SPATA7: variants seen among roughly 807,000 people sequenced by gnomAD.
The protein encoded by SPATA7 is spermatogenesis-associated protein 7.
Under a neutral mutation model 51.8 loss-of-function variants are expected in SPATA7, and 43 were observed. That is an observed-to-expected ratio of 0.83 (90% CI 0.65 to 1.07). The LOEUF (loss-of-function observed/expected upper bound fraction) is 1.07. Ranked by LOEUF, SPATA7 falls within the 50% of genes least tolerant of loss-of-function variation. SPATA7 has a pLI of 0.00. For synonymous variants in SPATA7, 230 were observed against 252.8 expected, an observed-to-expected ratio of 0.91 and a Z score of 0.86; for missense variants, 683 against 701.3, an observed-to-expected ratio of 0.97 and a Z score of 0.30.
chr14:88,410,302 G>A (rs1392288653), intron 4 of SPATA7, among the ~76,000 whole-genome samples: 4 of 152,162 alleles, frequency 2.6e-5, no homozygotes, highest in Non-Finnish European at 4.4e-5. Context: ...ATTTAGGATA[G>A]TTAGCTCTTC....
At chr14:88,449,500 T>C (rs186313226) in intron 3 of SPATA7, among the ~76,000 whole-genome samples, 14 of 152,316 alleles carry the variant, frequency 9.2e-5, no homozygotes, top group Admixed American at 7.2e-4. Flanking sequence ...CTATCATATA[T>C]GGTCTATCTT....
At chr14:88,386,661 G>A (rs940992550) in intron 1 of SPATA7, among the ~76,000 whole-genome samples, 1 of 152,112 alleles carries the variant, frequency 6.6e-6, no homozygotes, top group Non-Finnish European at 1.5e-5. Context: ...CAAATAATTT[G>A]CATTTTCACA....
intron 1 of SPATA7, 117 bp from the exon 2 acceptor site, chr14:88,391,264 T>G: frequency 4.3e-6 from 4 of 936,050 alleles, no homozygotes; most frequent in Non-Finnish European, 6.4e-6. Context: ...CAATCACCTT[T>G]TAGGAAAGAA....
At chr14:88,451,827 A>G (rs114385357) in intron 3 of SPATA7, among the ~76,000 whole-genome samples, 1 of 151,974 alleles carries the variant, frequency 6.6e-6, no homozygotes, top group South Asian at 2.1e-4. Flanking sequence ...ACCTGGCCCT[A>G]TATCATTTTT....
chr14:88,446,033 A>G (rs930274649), intron 3 of SPATA7, among the ~76,000 whole-genome samples: 5 of 152,088 alleles, frequency 3.3e-5, no homozygotes, highest in Non-Finnish European at 5.9e-5. Flanking sequence ...CTCTTTTTCT[A>G]TGGATTGGAA....
At chr14:88,446,433 A>C (rs1161616781) in intron 3 of SPATA7, among the ~76,000 whole-genome samples, 1 of 152,128 alleles carries the variant, frequency 6.6e-6, no homozygotes, top group Non-Finnish European at 1.5e-5. Flanking sequence ...TCAAAAAACC[A>C]GCTCCTGGAT....
In SPATA7 at chr14:88,398,827, C is replaced by T. The variant is rs370107429; in HGVS notation, c.238+2624C>T. 4.3e-3 allele frequency among the ~76,000 whole-genome samples: 645 copies of T among 151,538 alleles called. 7 individuals carry two copies. Among genetic ancestry groups the T allele is most frequent in the African/African-American group, 0.013 (553 of 41,394 alleles). ...CAGCACTTTGGGAGGCTGAGGCGGGCGGATCACGAGGTCAGGAGATCGAGA... is the reference window on the plus strand; with the variant it reads ...CAGCACTTTGGGAGGCTGAGGCGGGTGGATCACGAGGTCAGGAGATCGAGA... On this transcript the variant is annotated intron_variant, in intron 4 of 11. Transcript: ENST00000393545.
Position 88,452,721 on chromosome 14 carries a change from G to A in SPATA7, c.178-2339G>A, listed in dbSNP as rs186899546. Among the ~76,000 whole-genome samples the A allele has an allele frequency of 8.5e-4, 129 of 152,212 alleles. 1 individual carries two copies. Among genetic ancestry groups the A allele is most frequent in the African/African-American group, 3.1e-3 (127 of 41,526 alleles). ...CCATCTTCCCTCCAGTATACCCCCTGCTGCTAGTATTTTTAAACAAACCAT... is the reference window on the plus strand; with the variant it reads ...CCATCTTCCCTCCAGTATACCCCCTACTGCTAGTATTTTTAAACAAACCAT... On this transcript the variant is annotated intron_variant, in intron 3 of 3. Coordinates refer to the SPATA7 transcript ENST00000554802.
chr14:88,432,923 T>C (rs1213611280), intron 9 of SPATA7: 2 of 491,162 alleles, frequency 4.1e-6, no homozygotes, highest in Non-Finnish European at 7.2e-6. Flanking sequence ...GAAATTTTAC[T>C]CTATTAGGTC....
intron 4 of SPATA7, chr14:88,416,014 T>C (rs1337493123): frequency 6.6e-6 from 1 of 152,414 alleles, no homozygotes; most frequent in East Asian, 1.9e-4. Flanking sequence ...GTTCTTGCCA[T>C]ATGAAATGCA....
intron 3 of SPATA7, among the ~76,000 whole-genome samples, chr14:88,449,927 A>G (rs1391337996): frequency 6.6e-6 from 1 of 152,068 alleles, no homozygotes; most frequent in Non-Finnish European, 1.5e-5. Context: ...TTGCATGGAA[A>G]GATATTCCAT....
intron 3 of SPATA7, among the ~76,000 whole-genome samples, chr14:88,451,676 C>G (rs910073345): frequency 4.0e-5 from 6 of 151,864 alleles, no homozygotes; most frequent in African/African-American, 1.5e-4. Context: ...AGGCGCCCAC[C>G]ACCATGCCTA....
At chr14:88,456,184 A>T (rs1166168283), downstream of SPATA7, among the ~76,000 whole-genome samples, 2 of 152,236 alleles carry the variant, frequency 1.3e-5, no homozygotes, top group South Asian at 2.1e-4. Context: ...TGCAATAAAC[A>T]TGTGTGCATG....
intron 4 of SPATA7, chr14:88,468,356 T>C (rs1268141078): frequency 7.7e-7 from 1 of 1,299,884 alleles, no homozygotes. Context: ...AGAAACCTGG[T>C]TGGGAGATGG....
intron 4 of SPATA7, among the ~76,000 whole-genome samples, chr14:88,396,556 C>T (rs1229947613): frequency 3.3e-5 from 5 of 152,146 alleles, no homozygotes. Flanking sequence ...TGGCTTATTT[C>T]ACCTAGCATG....
chr14:88,413,847 A>G (rs1397744143), intron 4 of SPATA7, among the ~76,000 whole-genome samples: 1 of 151,980 alleles, frequency 6.6e-6, no homozygotes, highest in Non-Finnish European at 1.5e-5. Flanking sequence ...TATATGGTGA[A>G]TCGCATTTAT....
chr14:88,416,861 A>G lies in SPATA7; in HGVS notation c.372+17A>G. 1 of 1,569,170 alleles carries G rather than the reference A, an allele frequency of 6.4e-7. No homozygotes were observed. Among genetic ancestry groups the G allele is most frequent in the East Asian group, 2.2e-5 (1 of 44,502 alleles). On this transcript the variant is annotated intron_variant, in intron 5 of 11. Transcript: ENST00000393545. ...TTACAAAAGGTAAGATAGTATTTTT[A>G]TTTTTTAAAAGCAAATGTTTCTAAG...
intron 1 of SPATA7, among the ~76,000 whole-genome samples, chr14:88,386,586 G>A (rs2075584978): frequency 6.6e-6 from 1 of 152,086 alleles, no homozygotes. Flanking sequence ...GAGTCAGGTG[G>A]ACATCATGTG....
chr14:88,437,989 G>C lies in SPATA7; in HGVS notation c.1367G>C (p.Ser456Thr). The part of the protein sequence containing the change: ...NSEPNELKNE[S>T]EVTIQQERQQ... Reference sequence around the variant, plus strand: ...GAACCAAATGAATTAAAAAATGAAAGTGAAGTAACAATTCAGCAGGAACGT... The same window carrying C: ...GAACCAAATGAATTAAAAAATGAAACTGAAGTAACAATTCAGCAGGAACGT... The change falls in exon 12 of 12, where the codon AGT (serine) becomes ACT (threonine). Residue 456 changes from serine (S) to threonine (T), a missense_variant. By Grantham distance (58) the Ser-to-Thr change is moderately conservative (BLOSUM62 1). Transcript: ENST00000393545. 2.5e-6 allele frequency: 4 copies of C among 1,614,044 alleles called. No individual in the cohort carries two copies.
Sources: gnomAD v4.1 joint callset for allele counts (sites outside exome capture counted in the v4.1 genomes callset) on GRCh38, gnomAD v4.1.1 for gene constraint, MANE v1.5 for transcripts, NCBI Gene and HGNC (gene_info 2026-07-23, HGNC 2026-07-21) for gene names.